HDGFL2: variants seen among roughly 807,000 people sequenced by gnomAD.
HDGFL2 encodes HDGF like 2, also known as hepatoma-derived growth factor-related protein 2.
In HDGFL2, 36 loss-of-function variants were observed where a neutral mutation model predicts 77.1. The observed-to-expected ratio is 0.47, with a 90% confidence interval of 0.36 to 0.62. HDGFL2 has a LOEUF of 0.62. HDGFL2 is among the 20% of genes least tolerant of loss of function. The probability of loss-of-function intolerance (pLI) is 0.00; values close to 1 mark genes in which losing one functional copy is unlikely to be tolerated. For missense variants in HDGFL2, 976 were observed against 973.4 expected (o/e 1.00, Z -0.04); for synonymous variants, 463 against 413.1 (o/e 1.12, Z -1.46).
chr19:4,486,525 CAAA>C (rs570362970), intron 3 of HDGFL2: 5 of 114,326 alleles, frequency 4.4e-5, no homozygotes, highest in Non-Finnish European at 1.9e-5. Context: ...AATTCCATCT[CAAA>C]AAAAAAAAAA....
At chr19:4,498,200 G>A in intron 11 of HDGFL2, 106 bp from the exon 12 acceptor site, 1 of 1,246,648 alleles carries the variant, frequency 8.0e-7, no homozygotes, top group South Asian at 1.3e-5. Context: ...TGCAGACCTG[G>A]GGCCCCCATG....
chr19:4,472,643 T>G (rs1974972047), intron 1 of HDGFL2, among the ~76,000 whole-genome samples: 1 of 142,476 alleles, frequency 7.0e-6, no homozygotes, highest in Non-Finnish European at 1.5e-5. Flanking sequence ...CCTAGGGGTC[T>G]GGGGTTGTCC....
intron 1 of HDGFL2, among the ~76,000 whole-genome samples, chr19:4,472,862 G>A (rs1386643521): frequency 1.3e-5 from 2 of 151,174 alleles, no homozygotes; most frequent in Admixed American, 1.3e-4. Context: ...CTGGGGTTCT[G>A]GGGGTGTCCA....
chr19:4,494,247 G>T lies in HDGFL2; in HGVS notation c.996G>T (p.Arg332=). Reference sequence around the variant, plus strand: ...GGCGCGAGCTGGAGGCCCGGCGGCGGCGAGAGCAGGAGGAGGAGCTGCGGC... The same window carrying T: ...GGCGCGAGCTGGAGGCCCGGCGGCGTCGAGAGCAGGAGGAGGAGCTGCGGC... ...ARRRELEARR[R]REQEEELRRL... The change falls in exon 9 of 16, where the codon CGG becomes CGT. Residue 332 remains arginine, a synonymous_variant. Coordinates refer to ENST00000616600, the MANE Select transcript of HDGFL2 (RefSeq NM_001001520.3). 1.4e-6 allele frequency: 2 copies of T among 1,462,702 alleles called. No individual in the cohort carries two copies. The highest frequency in any genetic ancestry group is 1.8e-6 in the Non-Finnish European group (2 of 1,110,836). The allele number at this position is 1,462,702 out of a possible 1,614,324, so 90.6% of individuals were successfully genotyped here.
At chr19:4,497,024 G>A (rs1017909192) in intron 10 of HDGFL2, 18 of 385,794 alleles carry the variant, frequency 4.7e-5, no homozygotes, top group African/African-American at 3.2e-4. Flanking sequence ...ACAGGCACCC[G>A]CCACCACGCC....
chr19:4,492,101 T>C (rs1975530407), intron 6 of HDGFL2, among the ~76,000 whole-genome samples: 2 of 151,718 alleles, frequency 1.3e-5, no homozygotes, highest in African/African-American at 4.8e-5. Context: ...TGCATGAGAG[T>C]GAGAGAGTGA....
intron 3 of HDGFL2, among the ~76,000 whole-genome samples, chr19:4,480,564 C>T (rs1051962968): frequency 3.3e-5 from 5 of 152,166 alleles, no homozygotes; most frequent in Non-Finnish European, 7.3e-5. Flanking sequence ...ACTAAAAATG[C>T]AAAAATTAGC....
chr19:4,475,649 G>A (rs1975053426), intron 3 of HDGFL2, 66 bp downstream of exon 3: 1 of 1,511,732 alleles, frequency 6.6e-7, no homozygotes, highest in Admixed American at 2.3e-5. Flanking sequence ...CCTCCAGTTA[G>A]GGTCTCTCCC....
At position 4,488,831 on chromosome 19, in the gene HDGFL2, G is replaced by C; in HGVS notation, c.444G>C (p.Lys148Asn). The change falls in exon 4 of 16, where the codon AAG becomes AAC. Residue 148 changes from lysine to asparagine, a missense_variant. By Grantham distance (94) the Lys-to-Asn change is moderately conservative. Coordinates refer to ENST00000616600, the MANE Select transcript of HDGFL2 (RefSeq NM_001001520.3). The stretch of plus-strand genomic sequence containing the variant: ...TGGAGAGCGACTCAGACTCAGACAA[G>C]AGTAGCGACAACAGTGGCCTGAAGA... The part of the protein sequence containing the change: ...DRMESDSDSD[K>N]SSDNSGLKRK... 6.4e-7 allele frequency: 1 copy of C among 1,551,674 alleles called. No individual in the cohort carries two copies. Among genetic ancestry groups the C allele is most frequent in the Non-Finnish European group, 8.7e-7 (1 of 1,147,044 alleles).
At chr19:4,479,379 C>G (rs754493208) in intron 3 of HDGFL2, among the ~76,000 whole-genome samples, 1 of 150,904 alleles carries the variant, frequency 6.6e-6, no homozygotes, top group Non-Finnish European at 1.5e-5. Context: ...GTCAGGTGAT[C>G]GAGACCATCC....
chr19:4,496,145 T>C (rs1466493660), intron 9 of HDGFL2, among the ~76,000 whole-genome samples, 157 bp from the exon 10 acceptor site: 1 of 152,114 alleles, frequency 6.6e-6, no homozygotes, highest in African/African-American at 2.4e-5. Context: ...GACCGGACAC[T>C]GGGTCCTCCC....
Position 4,501,902 on chromosome 19 carries a change from T to A in HDGFL2, c.1917-9T>A. On this transcript the variant is annotated splice_polypyrimidine_tract_variant and intron_variant, in intron 15 of 15. Transcript: ENST00000616600. ...GGCATCCTCACACCGCCTTTGCTGT[T>A]CCCACCAGCAGCGTACGGGAGGGTC... is the stretch of plus-strand genomic sequence containing the variant. 6.9e-7 allele frequency: 1 copy of A among 1,443,184 alleles called. No individual in the cohort carries two copies. The highest frequency in any genetic ancestry group is 9.1e-7 in the Non-Finnish European group (1 of 1,102,636). 89.4% of individuals were successfully genotyped at this position (1,443,184 alleles called of 1,614,324 possible). A position where few individuals can be genotyped will look rare whatever the true frequency, so the allele number is the denominator to read the frequency against.
chr19:4,498,403 A>G (rs1160505986), intron 12 of HDGFL2, 27 bp downstream of exon 12: 2 of 1,576,386 alleles, frequency 1.3e-6, no homozygotes, highest in Non-Finnish European at 1.7e-6. Context: ...CTGTGAGCCA[A>G]GCAGTCCCCG....
intron 3 of HDGFL2, 77 bp downstream of exon 3, chr19:4,475,660 C>G: frequency 6.7e-7 from 1 of 1,487,116 alleles, no homozygotes; most frequent in South Asian, 1.4e-5. Flanking sequence ...GGTCTCTCCC[C>G]TGGGCACTGT....
intron 9 of HDGFL2, among the ~76,000 whole-genome samples, chr19:4,495,971 G>A (rs1301348687): frequency 1.3e-5 from 2 of 152,126 alleles, no homozygotes; most frequent in East Asian, 1.9e-4. Context: ...CACGAACAGC[G>A]CCGTGTTCTC....
Position 4,498,796 on chromosome 19 carries a change from TCCCAC to T in HDGFL2, c.1474-10_1474-6del, listed in dbSNP as rs1568217724. The stretch of plus-strand genomic sequence containing the variant: ...CCCTTGGCCAGGCCGTCTCCCTCAC[TCCCAC>T]CCCACCCTGCAGGACGTGAAGAGGT... On this transcript the variant is annotated splice_polypyrimidine_tract_variant and intron_variant, in intron 12 of 15. Transcript: ENST00000616600. 5.1e-6 allele frequency: 8 copies of T among 1,576,736 alleles called. No individual in the cohort carries two copies. In the South Asian group the frequency reaches 9.1e-5, roughly 18 times the overall value.
At chr19:4,501,381 T>C (rs1975877982) in intron 15 of HDGFL2, 64 bp downstream of exon 15, 2 of 1,510,710 alleles carry the variant, frequency 1.3e-6, no homozygotes, top group South Asian at 2.6e-5. Context: ...GCACCCTGGG[T>C]CCGAGCCGCT....
intron 9 of HDGFL2, among the ~76,000 whole-genome samples, chr19:4,495,700 C>T (rs555015229): frequency 7.9e-5 from 12 of 152,056 alleles, no homozygotes; most frequent in Non-Finnish European, 1.5e-4. Context: ...TAGGGACAGG[C>T]CCTCACTCGG....
At chr19:4,496,162 C>T (rs1374729177) in intron 9 of HDGFL2, 140 bp from the exon 10 acceptor site, 2 of 694,304 alleles carry the variant, frequency 2.9e-6, no homozygotes, top group Middle Eastern at 2.9e-4. Flanking sequence ...TCCCTCCTCT[C>T]CCATCCTGCC....
Sources: allele counts gnomAD v4.1 joint callset (sites outside exome capture counted in the v4.1 genomes callset), GRCh38; gene constraint gnomAD v4.1.1; transcripts MANE v1.5; gene names NCBI Gene and HGNC (gene_info 2026-07-23, HGNC 2026-07-21).